Variants in TPD52 observed in about 807,000 individuals in gnomAD.
The protein encoded by TPD52 is prostate and colon associated protein.
In TPD52, 17 loss-of-function variants were observed where a neutral mutation model predicts 31.3. The ratio of observed to expected loss-of-function variants is 0.54; its 90% CI spans 0.37 to 0.82. The LOEUF is 0.82. Among genes scored for constraint, TPD52 ranks in the 40% least tolerant of loss-of-function variants. The pLI is 0.00. For missense variants in TPD52, 212 were observed against 240.1 expected (o/e 0.88, Z 0.77); for synonymous variants, 83 against 89.6 (o/e 0.93, Z 0.42).
chr8:80,101,994 G>A (rs543648659), intron 1 of TPD52, among the ~76,000 whole-genome samples: 1 of 152,314 alleles, frequency 6.6e-6, no homozygotes, highest in East Asian at 1.9e-4. Context: ...ATGCAACTAA[G>A]CCTGTGTGCA....
chr8:80,098,267 C>T (rs1050945112), intron 1 of TPD52, among the ~76,000 whole-genome samples: 60 of 152,166 alleles, frequency 3.9e-4, no homozygotes, highest in African/African-American at 1.4e-3. Flanking sequence ...ATTTTCAAGT[C>T]TTATTATTTA....
chr8:80,128,706 A>T (rs960555853), intron 1 of TPD52, among the ~76,000 whole-genome samples: 14 of 151,782 alleles, frequency 9.2e-5, no homozygotes, highest in Non-Finnish European at 2.9e-5. Flanking sequence ...TTAAATATTA[A>T]AAAAATTAAT....
At position 80,171,406 on chromosome 8, in the gene TPD52, G is replaced by A. The variant is rs767001441; in HGVS notation, c.19+19C>T. 20 of 1,595,586 alleles carry A rather than the reference G, an allele frequency of 1.3e-5. No individual in the cohort carries two copies. Among genetic ancestry groups the A allele is most frequent in the Non-Finnish European group, 1.7e-5 (20 of 1,177,764 alleles). On this transcript the variant is annotated intron_variant, in intron 1 of 7. Coordinates refer to ENST00000518937, the MANE Select transcript of TPD52 (RefSeq NM_001025253.3). ...CGAGTCCAAGCCCGAGCCCAAGCCCGCTGGGTCCGCGCCCTCACCTTGCTC... is the reference window on the plus strand; with the variant it reads ...CGAGTCCAAGCCCGAGCCCAAGCCCACTGGGTCCGCGCCCTCACCTTGCTC...
intron 7 of TPD52, chr8:80,042,088 CAAA>C (rs397970030): frequency 8.9e-5 from 56 of 627,166 alleles, no homozygotes; most frequent in South Asian, 1.4e-4. Context: ...GACTCCATCT[CAAA>C]AAAAAAAAAA....
At position 80,145,197 on chromosome 8, in the gene TPD52, C is replaced by G. The variant is rs564836219; in HGVS notation, c.19+26228G>C. ...GGTAAGAGATATCAAAGTTTCCTTACAAGAGAAAGGATTTCTTTGCTTCAC... is the reference window on the plus strand; with the variant it reads ...GGTAAGAGATATCAAAGTTTCCTTAGAAGAGAAAGGATTTCTTTGCTTCAC... On this transcript the variant is annotated intron_variant, in intron 1 of 7. Coordinates refer to ENST00000518937, the MANE Select transcript of TPD52 (RefSeq NM_001025253.3). 7.2e-5 allele frequency among the ~76,000 whole-genome samples: 11 copies of G among 152,274 alleles called. 1 individual carries two copies. In the South Asian group the frequency reaches 1.9e-3, roughly 26 times the overall value.
chr8:80,165,450 T>G (rs1391605338), intron 1 of TPD52, among the ~76,000 whole-genome samples: 1 of 152,150 alleles, frequency 6.6e-6, no homozygotes, highest in Non-Finnish European at 1.5e-5. Flanking sequence ...GGACACAGCA[T>G]CCCAAAACAT....
intron 1 of TPD52, among the ~76,000 whole-genome samples, chr8:80,126,847 G>A (rs908047207): frequency 9.9e-5 from 15 of 152,108 alleles, no homozygotes; most frequent in Non-Finnish European, 1.8e-4. Flanking sequence ...ATATCAGGCA[G>A]GGCACAATGG....
intron 5 of TPD52, among the ~76,000 whole-genome samples, chr8:80,048,191 G>A (rs527793096): frequency 2.6e-5 from 4 of 152,188 alleles, no homozygotes; most frequent in Non-Finnish European, 5.9e-5. Flanking sequence ...CTCATTCTCA[G>A]GACATCAAGA....
intron 1 of TPD52, among the ~76,000 whole-genome samples, chr8:80,162,419 G>A (rs1464214265): frequency 2.6e-5 from 4 of 152,026 alleles, no homozygotes; most frequent in African/African-American, 9.7e-5. Flanking sequence ...AATCTCTAGA[G>A]GGAAATACAA....
chr8:80,164,029 A>AGAGT (rs1449367183), intron 1 of TPD52, among the ~76,000 whole-genome samples: 4 of 137,448 alleles, frequency 2.9e-5, no homozygotes, highest in African/African-American at 1.1e-4. Context: ...AGAGACAGAG[A>AGAGT]GAGAGAGAGA....
intron 2 of TPD52, among the ~76,000 whole-genome samples, chr8:80,062,514 C>T (rs182768687): frequency 2.0e-5 from 3 of 152,206 alleles, no homozygotes; most frequent in Admixed American, 1.3e-4. Flanking sequence ...AAAGCACAAA[C>T]CAAAACCATA....
chr8:80,153,682 T>C (rs138812837), intron 1 of TPD52, among the ~76,000 whole-genome samples: 32 of 152,328 alleles, frequency 2.1e-4, no homozygotes, highest in African/African-American at 7.7e-4. Flanking sequence ...GAGCTCTCTA[T>C]ATTATGGAGA....
At chr8:80,044,413 T>C (rs1360852399) in intron 5 of TPD52, among the ~76,000 whole-genome samples, 1 of 152,190 alleles carries the variant, frequency 6.6e-6, no homozygotes, top group African/African-American at 2.4e-5. Context: ...CAGGAGTTAC[T>C]AGAGCTAACA....
intron 1 of TPD52, among the ~76,000 whole-genome samples, chr8:80,164,898 C>CAAAAAAAAAAAAAA (rs34027501): frequency 1.3e-4 from 4 of 31,902 alleles, no homozygotes; most frequent in African/African-American, 4.4e-4. Context: ...GACAATGTCT[C>CAAAAAAAAAAAAAA]AAAAAAAAAA....
chr8:80,080,687 G>C, intron 1 of TPD52: 1 of 1,219,634 alleles, frequency 8.2e-7, no homozygotes, highest in Non-Finnish European at 1.0e-6. Flanking sequence ...AACCTTAGGA[G>C]GGGCTCTATT....
chr8:80,169,666 C>A (rs1018576929), intron 1 of TPD52, among the ~76,000 whole-genome samples: 12 of 152,082 alleles, frequency 7.9e-5, no homozygotes, highest in African/African-American at 2.9e-4. Flanking sequence ...TTATGTCAAA[C>A]GACAGTGTGT....
At chr8:80,122,500 G>A (rs1485471491) in intron 1 of TPD52, among the ~76,000 whole-genome samples, 1 of 152,096 alleles carries the variant, frequency 6.6e-6, no homozygotes, top group African/African-American at 2.4e-5. Flanking sequence ...GTATATTATG[G>A]GATGGAGGCA....
rs76717977 is a variant in TPD52, at chr8:80,074,515, G to T, written c.20-9922C>A. On this transcript the variant is annotated intron_variant, in intron 1 of 7. Coordinates refer to ENST00000518937, the MANE Select transcript of TPD52 (RefSeq NM_001025253.3). ...CAGCGCTTCTCAGGCACGGCACCAC[G>T]GGCGTCATGCGGTGGATGACTGTGG... Among the ~76,000 whole-genome samples, 30 of 152,274 alleles carry T rather than the reference G, an allele frequency of 2.0e-4. No individual in the cohort carries two copies. The South Asian group carries it at 6.2e-3, about 32-fold the overall frequency.
intron 1 of TPD52, among the ~76,000 whole-genome samples, chr8:80,117,820 C>A (rs1426787495): frequency 2.0e-5 from 3 of 150,656 alleles, no homozygotes; most frequent in South Asian, 4.2e-4. Flanking sequence ...GCAACCTCCA[C>A]CTCCCAGGTT....
Sources: allele counts gnomAD v4.1 joint callset (sites outside exome capture counted in the v4.1 genomes callset), GRCh38; gene constraint gnomAD v4.1.1; transcripts MANE v1.5; gene names NCBI Gene and HGNC (gene_info 2026-07-23, HGNC 2026-07-21).